Variants in TMEM132B observed in about 807,000 individuals in gnomAD.
The protein encoded by TMEM132B is transmembrane protein 132B.
TMEM132B carries 18 observed loss-of-function variants against 90.8 expected under a neutral mutation model. The ratio of observed to expected loss-of-function variants is 0.20; its 90% CI spans 0.14 to 0.29. TMEM132B has a LOEUF of 0.29. TMEM132B is among the 10% of genes least tolerant of loss of function. The probability of loss-of-function intolerance (pLI) is 1.00; values close to 1 mark genes in which losing one functional copy is unlikely to be tolerated. For missense variants in TMEM132B, 1,096 were observed against 1,326.8 expected (o/e 0.83, Z 2.70); for synonymous variants, 504 against 523.3 (o/e 0.96, Z 0.50).
intron 4 of TMEM132B, among the ~76,000 whole-genome samples, chr12:125,556,339 A>G (rs144677945): frequency 6.2e-4 from 94 of 152,324 alleles, no homozygotes; most frequent in African/African-American, 2.2e-3. Flanking sequence ...GTCAAAGACT[A>G]TGATTAGAAC....
intron 1 of TMEM132B, among the ~76,000 whole-genome samples, chr12:125,243,032 T>TATATATATATATATATATACAC (rs1215676534): frequency 9.6e-4 from 130 of 134,952 alleles, no homozygotes; most frequent in Middle Eastern, 3.9e-3. Context: ...TATATATATA[T>TATATATATATATATATATACAC]ACACACACAC....
At chr12:125,570,706 T>C (rs562419101) in intron 4 of TMEM132B, among the ~76,000 whole-genome samples, 1 of 152,332 alleles carries the variant, frequency 6.6e-6, no homozygotes, top group East Asian at 1.9e-4. Context: ...AACAGTGGGA[T>C]TGAAAAATCA....
At chr12:125,376,221 G>GT (rs1299355685) in intron 2 of TMEM132B, among the ~76,000 whole-genome samples, 1 of 152,038 alleles carries the variant, frequency 6.6e-6, no homozygotes, top group Non-Finnish European at 1.5e-5. Flanking sequence ...CAATAACATT[G>GT]TTTTTTTCCA....
At chr12:125,468,423 T>G (rs2136490326) in intron 3 of TMEM132B, among the ~76,000 whole-genome samples, 1 of 152,364 alleles carries the variant, frequency 6.6e-6, no homozygotes, top group Non-Finnish European at 1.5e-5. Flanking sequence ...GTGGTAATGG[T>G]AAGGGAAATA....
intron 1 of TMEM132B, among the ~76,000 whole-genome samples, chr12:125,259,939 G>T (rs1310226476): frequency 6.6e-6 from 1 of 152,040 alleles, no homozygotes; most frequent in African/African-American, 2.4e-5. Flanking sequence ...TTTGCCCAGA[G>T]GGGTCTCTTC....
chr12:125,568,169 A>G (rs968755324), intron 4 of TMEM132B, among the ~76,000 whole-genome samples: 1 of 152,034 alleles, frequency 6.6e-6, no homozygotes, highest in Non-Finnish European at 1.5e-5. Context: ...TCTGTGTTGC[A>G]TGTAAGCTGT....
chr12:125,263,685 G>T (rs895472156), intron 1 of TMEM132B, among the ~76,000 whole-genome samples: 1 of 152,110 alleles, frequency 6.6e-6, no homozygotes, highest in East Asian at 1.9e-4. Context: ...CTGAGATATG[G>T]GTATAAAAAC....
intron 5 of TMEM132B, among the ~76,000 whole-genome samples, chr12:125,638,734 G>A (rs1886552860): frequency 6.6e-6 from 1 of 152,100 alleles, no homozygotes; most frequent in Non-Finnish European, 1.5e-5. Context: ...ACAGAGGGTG[G>A]CTGATGCACA....
intron 4 of TMEM132B, among the ~76,000 whole-genome samples, chr12:125,534,907 C>G (rs1260849504): frequency 6.6e-6 from 1 of 152,130 alleles, no homozygotes; most frequent in East Asian, 1.9e-4. Context: ...TTCAAGTGCT[C>G]AGTGTCCACA....
intron 1 of TMEM132B, among the ~76,000 whole-genome samples, chr12:125,230,631 C>T (rs1873796134): frequency 6.6e-6 from 1 of 151,686 alleles, no homozygotes; most frequent in South Asian, 2.1e-4. Context: ...CAGGCGCCTG[C>T]CACCACGCCC....
rs146092648 is a variant in TMEM132B at position 125,389,789 on chromosome 12, T to C, written c.960-25742T>C. ...CAGTCTTTTAGCACCACTGCTCTCA[T>C]AAGTAGGGCACCTTTGTAAAAAGAG... On this transcript the variant is annotated intron_variant, in intron 2 of 8. Coordinates refer to ENST00000682704, the MANE Select transcript of TMEM132B (RefSeq NM_001366854.1). Among the ~76,000 whole-genome samples, 29 of 152,322 alleles carry C rather than the reference T, an allele frequency of 1.9e-4. No individual in the cohort carries two copies. The East Asian group carries it at 4.6e-3, about 24-fold the overall frequency.
chr12:125,480,332 A>T (rs1192392395), intron 3 of TMEM132B, among the ~76,000 whole-genome samples: 1 of 152,196 alleles, frequency 6.6e-6, no homozygotes, highest in Non-Finnish European at 1.5e-5. Context: ...TGGTTTTTTG[A>T]AAAGATCAAC....
chr12:125,484,289 G>C (rs866492183), intron 3 of TMEM132B, among the ~76,000 whole-genome samples: 12 of 152,168 alleles, frequency 7.9e-5, no homozygotes, highest in Admixed American at 2.0e-4. Context: ...CACATGGATG[G>C]TGAGGACATT....
chr12:125,216,695 GC>G (rs1565977014), intron 1 of TMEM132B, among the ~76,000 whole-genome samples: 1 of 152,192 alleles, frequency 6.6e-6, no homozygotes, highest in Non-Finnish European at 1.5e-5. Context: ...CTGATAACAG[GC>G]CTTTGATTAG....
chr12:125,584,500 A>T (rs562669685), intron 5 of TMEM132B: 1 of 155,350 alleles, frequency 6.4e-6, no homozygotes, highest in Non-Finnish European at 1.4e-5. Context: ...TAGCTTCATT[A>T]TAAGACAATA....
chr12:125,378,442 A>G (rs2136281983), intron 2 of TMEM132B, among the ~76,000 whole-genome samples: 1 of 152,352 alleles, frequency 6.6e-6, no homozygotes, highest in East Asian at 1.9e-4. Flanking sequence ...TAAGTAGTCA[A>G]GGGTGGAGGT....
intron 6 of TMEM132B, among the ~76,000 whole-genome samples, chr12:125,647,090 C>T (rs182617537): frequency 2.6e-5 from 4 of 152,200 alleles, no homozygotes; most frequent in Admixed American, 2.6e-4. Context: ...ATAGGCTCGG[C>T]AGTACAGTGG....
intron 1 of TMEM132B, among the ~76,000 whole-genome samples, chr12:125,244,156 C>T (rs1038651188): frequency 1.3e-5 from 2 of 152,120 alleles, no homozygotes; most frequent in Non-Finnish European, 2.9e-5. Context: ...GTGTATTCGT[C>T]GGTTGATAGA....
intron 3 of TMEM132B, among the ~76,000 whole-genome samples, chr12:125,480,043 A>G (rs1372460006): frequency 6.6e-6 from 1 of 152,224 alleles, no homozygotes; most frequent in Non-Finnish European, 1.5e-5. Flanking sequence ...AGAAATAAAG[A>G]TGTTCTTCGA....
Sources: gnomAD v4.1 joint callset for allele counts (sites outside exome capture counted in the v4.1 genomes callset) on GRCh38, gnomAD v4.1.1 for gene constraint, MANE v1.5 for transcripts, NCBI Gene and HGNC (gene_info 2026-07-23, HGNC 2026-07-21) for gene names.